IGF1R: variants seen among roughly 807,000 people sequenced by gnomAD.
The protein encoded by IGF1R is insulin like growth factor 1 receptor.
Under a neutral mutation model 144.6 loss-of-function variants are expected in IGF1R, and 44 were observed. The ratio of observed to expected loss-of-function variants is 0.30; its 90% CI spans 0.24 to 0.39. The LOEUF (loss-of-function observed/expected upper bound fraction) is 0.39. Among genes scored for constraint, IGF1R ranks in the 10% least tolerant of loss-of-function variants. The pLI is 1.00. For missense variants in IGF1R, 1,355 were observed against 1,833.7 expected, an observed-to-expected ratio of 0.74 and a Z score of 4.77; for synonymous variants, 795 against 722.8, an observed-to-expected ratio of 1.10 and a Z score of -1.60.
At chr15:98,856,380 A>C (rs2011819648) in intron 2 of IGF1R, among the ~76,000 whole-genome samples, 1 of 152,180 alleles carries the variant, frequency 6.6e-6, no homozygotes, top group African/African-American at 2.4e-5. Context: ...CCAGTCACTT[A>C]ATTTCCCCTG....
At chr15:98,916,619 A>G (rs1185419496) in intron 9 of IGF1R, 53 bp from the exon 10 acceptor site, 5 of 1,444,620 alleles carry the variant, frequency 3.5e-6, no homozygotes, top group Non-Finnish European at 2.9e-6. Context: ...CCTTACAAGC[A>G]TGTATAACGG....
Position 98,865,486 on chromosome 15 carries a change from G to C in IGF1R, c.641-25839G>C, listed in dbSNP as rs1359973540. 2.6e-5 allele frequency among the ~76,000 whole-genome samples: 4 copies of C among 152,270 alleles called. No homozygotes were observed. The East Asian group carries it at 7.7e-4, about 29-fold the overall frequency. On this transcript the variant is annotated intron_variant, in intron 2 of 20. Transcript: ENST00000650285. Reference sequence around the variant, plus strand: ...GCGTGCATAGCGGCCACGTGACTGCGCCCCGGCCACGCCCACCGTCCCTCA... The same window carrying C: ...GCGTGCATAGCGGCCACGTGACTGCCCCCCGGCCACGCCCACCGTCCCTCA...
intron 1 of IGF1R, among the ~76,000 whole-genome samples, chr15:98,702,936 C>G (rs1038636847): frequency 1.3e-5 from 2 of 151,974 alleles, no homozygotes; most frequent in Non-Finnish European, 2.9e-5. Context: ...GACCACGTCT[C>G]AAAAAACAAT....
intron 11 of IGF1R, 58 bp from the exon 12 acceptor site, chr15:98,923,818 G>T: frequency 6.8e-7 from 1 of 1,464,430 alleles, no homozygotes. Flanking sequence ...TCAGCCCAGT[G>T]TTGGCCTCCC....
Position 98,964,270 on chromosome 15 carries a change from C to T in IGF1R, c.*6828C>T, listed in dbSNP as rs1009624163. The stretch of plus-strand genomic sequence containing the variant: ...ATGGCCAATTTGTTACATAAAATGA[C>T]TTTCTGTGTATAAATTATTCCTAAA... On this transcript the variant is annotated 3_prime_UTR_variant, in exon 21 of 21. Coordinates refer to ENST00000650285, the MANE Select transcript of IGF1R (RefSeq NM_000875.5). 3 of 231,394 alleles carry T rather than the reference C, an allele frequency of 1.3e-5. No homozygotes were observed. Among genetic ancestry groups the T allele is most frequent in the African/African-American group, 2.2e-5 (1 of 45,004 alleles). The allele number at this position is 231,394 out of a possible 1,614,324, so 14.3% of individuals were successfully genotyped here.
chr15:98,843,357 CA>C (rs1243265606), intron 2 of IGF1R, among the ~76,000 whole-genome samples: 3 of 152,080 alleles, frequency 2.0e-5, no homozygotes, highest in Non-Finnish European at 4.4e-5. Flanking sequence ...TTAGAGCTGT[CA>C]ACTGACAGAT....
chr15:98,947,765 G>T (rs2016609278), intron 19 of IGF1R, among the ~76,000 whole-genome samples: 1 of 152,126 alleles, frequency 6.6e-6, no homozygotes, highest in South Asian at 2.1e-4. Flanking sequence ...TCTGCTTAAG[G>T]ATTCTTTGTC....
chr15:98,953,523 G>T (rs1334071708), intron 20 of IGF1R, among the ~76,000 whole-genome samples: 3 of 152,176 alleles, frequency 2.0e-5, no homozygotes, highest in African/African-American at 7.2e-5. Context: ...GATGAGCCAG[G>T]AGTGGCCCTG....
chr15:98,804,692 T>G (rs2056434440), intron 2 of IGF1R, among the ~76,000 whole-genome samples: 1 of 152,212 alleles, frequency 6.6e-6, no homozygotes, highest in Admixed American at 6.5e-5. Context: ...ATCCGTTTAC[T>G]GGAAGATACA....
At chr15:98,784,153 T>A (rs6598549) in intron 2 of IGF1R, among the ~76,000 whole-genome samples, 2 of 151,696 alleles carry the variant, frequency 1.3e-5, no homozygotes, top group African/African-American at 2.4e-5. Flanking sequence ...TTTTGTATTT[T>A]TAGTGGAGAC....
At chr15:98,774,605 AATACTCT>A (rs2055667378) in intron 2 of IGF1R, among the ~76,000 whole-genome samples, 1 of 151,812 alleles carries the variant, frequency 6.6e-6, no homozygotes, top group Non-Finnish European at 1.5e-5. Flanking sequence ...CAAAAGGACA[AATACTCT>A]ATGTGATTTC....
intron 10 of IGF1R, among the ~76,000 whole-genome samples, chr15:98,919,647 T>G (rs1278735154): frequency 6.6e-6 from 1 of 152,248 alleles, no homozygotes; most frequent in Non-Finnish European, 1.5e-5. Context: ...AGTCCTTCCT[T>G]TCTCTCTCCT....
intron 17 of IGF1R, among the ~76,000 whole-genome samples, chr15:98,938,275 G>C (rs117063060): frequency 6.6e-6 from 1 of 152,236 alleles, no homozygotes; most frequent in African/African-American, 2.4e-5. Context: ...TGTGGGACCT[G>C]TCAGAGCCCT....
intron 1 of IGF1R, among the ~76,000 whole-genome samples, chr15:98,667,990 C>G (rs2052788038): frequency 6.6e-6 from 1 of 152,092 alleles, no homozygotes; most frequent in Non-Finnish European, 1.5e-5. Flanking sequence ...TGACAGGTTA[C>G]TATAGACTGA....
rs138542397 is a variant in IGF1R at position 98,919,442 on chromosome 15, T to C, written c.2201+2566T>C. ...GTGAGTCAAGGTTTTGGAAAGATTT[T>C]GCTGAAAGGCCCCTTGCTTTCAGTT... On this transcript the variant is annotated intron_variant, in intron 10 of 20. Transcript: ENST00000650285. Among the ~76,000 whole-genome samples the C allele has an allele frequency of 2.4e-3, 359 of 152,336 alleles. 1 individual carries two copies. The highest frequency in any genetic ancestry group is 8.2e-3 in the African/African-American group (339 of 41,584).
At position 98,704,604 on chromosome 15, in the gene IGF1R, C is replaced by G. The variant is rs555281891; in HGVS notation, c.95-2958C>G. ...GACATTGAAAGAATGATGAAATTCA[C>G]TCATTCTGCGTGTGTCCCATGTCAT... On this transcript the variant is annotated intron_variant, in intron 1 of 20. Transcript: ENST00000650285. This position sits in a 1 kb window ranked among gnomAD's most constrained non-coding sequence, Gnocchi z 4.9. Among the ~76,000 whole-genome samples the G allele has an allele frequency of 3.9e-5, 6 of 152,272 alleles. No homozygotes were observed. The South Asian group carries it at 1.2e-3, about 32-fold the overall frequency.
At chr15:98,652,198 A>C (rs2052385900) in intron 1 of IGF1R, among the ~76,000 whole-genome samples, 1 of 152,272 alleles carries the variant, frequency 6.6e-6, no homozygotes, top group Non-Finnish European at 1.5e-5. Context: ...TAATGTGAAC[A>C]GAGCATCTAA....
chr15:98,942,575 G>T (rs1193251996), intron 18 of IGF1R, among the ~76,000 whole-genome samples: 2 of 152,194 alleles, frequency 1.3e-5, no homozygotes, highest in African/African-American at 2.4e-5. Flanking sequence ...CTGGGCACAG[G>T]CGATCTTCCT....
In IGF1R at chr15:98,649,525, CTTTTTTT is replaced by C. The variant is rs544674838; in HGVS notation, c.-39_-33del. 7.4e-3 allele frequency: 5,321 copies of C among 721,818 alleles called. 32 individuals carry two copies. Among genetic ancestry groups the C allele is most frequent in the African/African-American group, 0.017 (818 of 47,376 alleles). The allele number at this position is 721,818 out of a possible 1,614,324, so 44.7% of individuals were successfully genotyped here. On this transcript the variant is annotated 5_prime_UTR_variant, in exon 1 of 21. Transcript: ENST00000650285. ...TCATTTCCTTTTTTTCTTTTCTTTT[CTTTTTTT>C]TTTTTTTTTTTTTTTTTGAGAAAGG...
Sources: allele counts gnomAD v4.1 joint callset (sites outside exome capture counted in the v4.1 genomes callset), GRCh38; gene constraint gnomAD v4.1.1; non-coding constraint Gnocchi (gnomAD v3.1); transcripts MANE v1.5; gene names NCBI Gene and HGNC (gene_info 2026-07-23, HGNC 2026-07-21).